The following BAG2 variants were observed in gnomAD, a reference collection of about 807,000 sequenced individuals.
The protein encoded by BAG2 is BAG cochaperone 2, also known as BAG family molecular chaperone regulator 2.
Under a neutral mutation model 16.4 loss-of-function variants are expected in BAG2, and 8 were observed. That is an observed-to-expected ratio of 0.49 (90% CI 0.29 to 0.88). BAG2 has a LOEUF of 0.88. BAG2 is among the 40% of genes least tolerant of loss of function. The pLI is 0.09. For synonymous variants in BAG2, 82 were observed against 89.2 expected (o/e 0.92, Z 0.46); for missense variants, 218 against 248.9 (o/e 0.88, Z 0.84).
At chr6:57,177,931 G>A (rs565399633) in intron 1 of BAG2, among the ~76,000 whole-genome samples, 18 of 152,270 alleles carry the variant, frequency 1.2e-4, no homozygotes, top group Middle Eastern at 6.8e-3. Flanking sequence ...GGATGCATGC[G>A]CTCCGGTTTT....
At chr6:57,174,712 TA>T (rs1459077840) in intron 1 of BAG2, among the ~76,000 whole-genome samples, 9 of 152,188 alleles carry the variant, frequency 5.9e-5, no homozygotes, top group African/African-American at 2.2e-4. Flanking sequence ...TAGATCCTAT[TA>T]AAGTTTTTTT....
intron 2 of BAG2, among the ~76,000 whole-genome samples, chr6:57,182,714 G>A (rs1764501716): frequency 6.6e-6 from 1 of 151,960 alleles, no homozygotes; most frequent in South Asian, 2.1e-4. Context: ...GCAATGGCGC[G>A]ATCTTGGCTC....
intron 1 of BAG2, among the ~76,000 whole-genome samples, chr6:57,177,525 C>T (rs1764315120): frequency 6.6e-6 from 1 of 152,072 alleles, no homozygotes; most frequent in Non-Finnish European, 1.5e-5. Flanking sequence ...AATAAATAAG[C>T]CCACATTCAT....
At position 57,185,879 on chromosome 6, in the gene BAG2, T is replaced by C. The variant is rs1764602338; in HGVS notation, c.*1689T>C. On this transcript the variant is annotated 3_prime_UTR_variant, in exon 3 of 3. Coordinates refer to ENST00000370693, the MANE Select transcript of BAG2 (RefSeq NM_004282.4). ...TGGCTTCCACATCAGTCCAGGACTT[T>C]TTCTACACAAATTATTCTGGCTCTG... 1.3e-5 allele frequency: 2 copies of C among 152,230 alleles called. No homozygotes were observed. Among genetic ancestry groups the C allele is most frequent in the East Asian group, 1.9e-4 (1 of 5,202 alleles). 9.4% of individuals were successfully genotyped at this position (152,230 alleles called of 1,614,324 possible). A position where few individuals can be genotyped will look rare whatever the true frequency, so the allele number is the denominator to read the frequency against.
Position 57,188,101 on chromosome 6 carries a change from A to ACAAT in BAG2, c.*3914_*3917dup, listed in dbSNP as rs1267527845. The ACAAT allele has an allele frequency of 6.6e-6, 1 of 152,218 alleles. No individual in the cohort carries two copies. Among genetic ancestry groups the ACAAT allele is most frequent in the African/African-American group, 2.4e-5 (1 of 41,470 alleles). The allele number at this position is 152,218 out of a possible 1,614,324, so 9.4% of individuals were successfully genotyped here. A position where few individuals can be genotyped will look rare whatever the true frequency, so the allele number is the denominator to read the frequency against. On this transcript the variant is annotated 3_prime_UTR_variant, in exon 3 of 3. Transcript: ENST00000370693. ...AAAAAGTAGATTAGAGCACAAATGCACAATCACCTGGAATCTTGGAAAAGT... is the reference window on the plus strand; with the variant it reads ...AAAAAGTAGATTAGAGCACAAATGCACAATCAATCACCTGGAATCTTGGAAAAGT...
At chr6:57,181,919 T>C in intron 1 of BAG2, 113 bp from the exon 2 acceptor site, 1 of 851,414 alleles carries the variant, frequency 1.2e-6, no homozygotes, top group Non-Finnish European at 1.8e-6. Context: ...ATGAAGAATT[T>C]TTGAAAAGTT....
chr6:57,187,338 C>T lies in BAG2; in HGVS notation c.*3148C>T, dbSNP rs544569465. 15 of 152,152 alleles carry T rather than the reference C, an allele frequency of 9.9e-5. No individual in the cohort carries two copies. The East Asian group carries it at 2.3e-3, about 23-fold the overall frequency. 9.4% of individuals were successfully genotyped at this position (152,152 alleles called of 1,614,324 possible). Reference sequence around the variant, plus strand: ...TGACTGGATATTTCAGAGTCTACTGCGGGTTTTAAATATTTTGTTAGCAAA... The same window carrying T: ...TGACTGGATATTTCAGAGTCTACTGTGGGTTTTAAATATTTTGTTAGCAAA... On this transcript the variant is annotated 3_prime_UTR_variant, in exon 3 of 3. Coordinates refer to ENST00000370693, the MANE Select transcript of BAG2 (RefSeq NM_004282.4).
At chr6:57,183,688 G>A in intron 2 of BAG2, 90 bp from the exon 3 acceptor site, 1 of 1,203,192 alleles carries the variant, frequency 8.3e-7, no homozygotes, top group African/African-American at 1.5e-5. Flanking sequence ...AAATTTCATG[G>A]CAGAGGTAAA....
chr6:57,176,550 G>A (rs567080080), intron 1 of BAG2, among the ~76,000 whole-genome samples: 15 of 152,150 alleles, frequency 9.9e-5, no homozygotes, highest in Non-Finnish European at 2.1e-4. Context: ...GACTGGCAGA[G>A]GGGAAAATGA....
rs1764739172 is a variant in BAG2, at chr6:57,189,277, T to TTGA, written c.*5089_*5091dup. ...CAAGGTTATAGAAATGTTGAAGTGA[T>TTGA]TGATAATCTTAAAATACCATACAAA... On this transcript the variant is annotated 3_prime_UTR_variant, in exon 3 of 3. Transcript: ENST00000370693. 1 of 152,206 alleles carries TTGA rather than the reference T, an allele frequency of 6.6e-6. No individual in the cohort carries two copies. The highest frequency in any genetic ancestry group is 2.4e-5 in the African/African-American group (1 of 41,448). The allele number at this position is 152,206 out of a possible 1,614,324, so 9.4% of individuals were successfully genotyped here. A position where few individuals can be genotyped will look rare whatever the true frequency, so the allele number is the denominator to read the frequency against.
chr6:57,188,880 C>A lies in BAG2; in HGVS notation c.*4690C>A, dbSNP rs979627961. ...GGACACACCCAGGAAATTTGATTTT[C>A]TCAACATTAGGAGGATGAGGGGAGT... is the stretch of plus-strand genomic sequence containing the variant. On this transcript the variant is annotated 3_prime_UTR_variant, in exon 3 of 3. Transcript: ENST00000370693. 1 of 151,860 alleles carries A rather than the reference C, an allele frequency of 6.6e-6. No individual in the cohort carries two copies. The highest frequency in any genetic ancestry group is 2.4e-5 in the African/African-American group (1 of 41,322). The allele number at this position is 151,860 out of a possible 1,614,324, so 9.4% of individuals were successfully genotyped here. A position where few individuals can be genotyped will look rare whatever the true frequency, so the allele number is the denominator to read the frequency against.
rs760276939 is a variant in BAG2, at chr6:57,188,153, A to AAATT, written c.*3966_*3969dup. On this transcript the variant is annotated 3_prime_UTR_variant, in exon 3 of 3. Transcript: ENST00000370693. The stretch of plus-strand genomic sequence containing the variant: ...TTTCTTTAGTATACATGGTTTCATA[A>AAATT]AATTAAAGTTATTTAAGAGAATGAA... 4.8e-4 allele frequency: 73 copies of AAATT among 152,288 alleles called. No individual in the cohort carries two copies. The highest frequency in any genetic ancestry group is 9.4e-4 in the Non-Finnish European group (64 of 67,998). 9.4% of individuals were successfully genotyped at this position (152,288 alleles called of 1,614,324 possible).
At chr6:57,176,253 C>T (rs1000734649) in intron 1 of BAG2, among the ~76,000 whole-genome samples, 6 of 152,184 alleles carry the variant, frequency 3.9e-5, no homozygotes, top group Non-Finnish European at 7.3e-5. Flanking sequence ...GCTTAAATGA[C>T]TTGTCCAAAG....
rs999413648 is a variant in BAG2 at position 57,172,458 on chromosome 6, C to G, written c.-240C>G. On this transcript the variant is annotated 5_prime_UTR_variant, in exon 1 of 3. Coordinates refer to ENST00000370693, the MANE Select transcript of BAG2 (RefSeq NM_004282.4). ...CCGTGTGGCTCGCGAACCTCTAACTCCAGCCGCTGCAGCCCCCTCCCAGGC... is the reference window on the plus strand; with the variant it reads ...CCGTGTGGCTCGCGAACCTCTAACTGCAGCCGCTGCAGCCCCCTCCCAGGC... 3 of 342,638 alleles carry G rather than the reference C, an allele frequency of 8.8e-6. No individual in the cohort carries two copies. In the Admixed American group the frequency reaches 1.5e-4, roughly 17 times the overall value. 21.2% of individuals were successfully genotyped at this position (342,638 alleles called of 1,614,324 possible).
At chr6:57,172,896 G>C in intron 1 of BAG2, 86 bp downstream of exon 1, 1 of 1,186,412 alleles carries the variant, frequency 8.4e-7, no homozygotes, top group Non-Finnish European at 1.1e-6. Context: ...CGCGTGTGGC[G>C]GGCCGGGGCC....
At chr6:57,172,868 C>A in intron 1 of BAG2, 58 bp downstream of exon 1, 1 of 1,359,382 alleles carries the variant, frequency 7.4e-7, no homozygotes, top group Non-Finnish European at 9.6e-7. Context: ...GGTTCGCGGG[C>A]GGTTAGCGGA....
chr6:57,184,324 T>TGGA lies in BAG2; in HGVS notation c.*134_*135insGGA. 3.9e-6 allele frequency: 3 copies of TGGA among 766,940 alleles called. No individual in the cohort carries two copies. The highest frequency in any genetic ancestry group is 5.5e-6 in the Non-Finnish European group (3 of 540,796). The allele number at this position is 766,940 out of a possible 1,614,324, so 47.5% of individuals were successfully genotyped here. A position where few individuals can be genotyped will look rare whatever the true frequency, so the allele number is the denominator to read the frequency against. On this transcript the variant is annotated 3_prime_UTR_variant, in exon 3 of 3. Transcript: ENST00000370693. ...ATAGTTGTTTCAGATGAGGAAAATA[T>TGGA]TCCATCAAGTATCTTCAGTTTTGTG...
In BAG2 at chr6:57,177,424, C is replaced by A. The variant is rs533761103; in HGVS notation, c.114-4608C>A. Among the ~76,000 whole-genome samples the A allele has an allele frequency of 4.3e-3, 650 of 152,166 alleles. 4 individuals are homozygous for A. The highest frequency in any genetic ancestry group is 0.015 in the African/African-American group (635 of 41,528). On this transcript the variant is annotated intron_variant, in intron 1 of 2. Coordinates refer to ENST00000370693, the MANE Select transcript of BAG2 (RefSeq NM_004282.4). ...GAGTGAGACTCCATCTCAAAAAAAA[C>A]AAACCTGTTTTAGAAATTATTTCTT...
intron 1 of BAG2, chr6:57,173,174 T>C: frequency 1.0e-6 from 1 of 1,002,810 alleles, no homozygotes; most frequent in Non-Finnish European, 1.2e-6. Flanking sequence ...TCTGCAGAAC[T>C]TCTAGAACCT....
Sources: gnomAD v4.1 joint callset for allele counts (sites outside exome capture counted in the v4.1 genomes callset) on GRCh38, gnomAD v4.1.1 for gene constraint, MANE v1.5 for transcripts, NCBI Gene and HGNC (gene_info 2026-07-23, HGNC 2026-07-21) for gene names.